HSBP1: variants seen among roughly 807,000 people sequenced by gnomAD.
HSBP1 encodes the protein heat shock factor binding protein 1.
In HSBP1, 5 loss-of-function variants were observed where a neutral mutation model predicts 9.6. That is an observed-to-expected ratio of 0.52 (90% CI 0.27 to 1.09). The LOEUF is 1.09. Ranked by LOEUF, HSBP1 falls within the 50% of genes least tolerant of loss-of-function variation. The pLI, the probability that HSBP1 is intolerant of heterozygous loss-of-function variation, is 0.11. For missense variants in HSBP1, 121 were observed against 96.3 expected, an observed-to-expected ratio of 1.26 and a Z score of -1.07; for synonymous variants, 42 against 33.3, an observed-to-expected ratio of 1.26 and a Z score of -0.90.
In HSBP1 at chr16:83,808,421, C is replaced by T. The variant is rs1185328579; in HGVS notation, c.46-259C>T. On this transcript the variant is annotated intron_variant, in intron 1 of 3. Transcript: ENST00000433866. ...ACCCTCCCCGCCCTTCAACTCCTCA[C>T]ACACCCCCGGGTGCCCCAGCCCGGC... 5.3e-6 allele frequency: 3 copies of T among 569,240 alleles called. No homozygotes were observed. In the East Asian group the frequency reaches 9.0e-5, roughly 17 times the overall value. The allele number at this position is 569,240 out of a possible 1,614,324, so 35.3% of individuals were successfully genotyped here. A position where few individuals can be genotyped will look rare whatever the true frequency, so the allele number is the denominator to read the frequency against.
rs376439023 is a variant in HSBP1 at position 83,818,371 on chromosome 16, C to T, written c.*6953C>T. On this transcript the variant is annotated 3_prime_UTR_variant, in exon 4 of 4. Transcript: ENST00000433866. Reference sequence around the variant, plus strand: ...GGCACAAAAACTCTGGAATCACTGACCCCAGACATTGTTCCCTGCCATCCA... The same window carrying T: ...GGCACAAAAACTCTGGAATCACTGATCCCAGACATTGTTCCCTGCCATCCA... The T allele has an allele frequency of 3.3e-5, 5 of 152,294 alleles. No individual in the cohort carries two copies. Among genetic ancestry groups the T allele is most frequent in the Middle Eastern group, 3.4e-3 (1 of 294 alleles). The allele number at this position is 152,294 out of a possible 1,614,324, so 9.4% of individuals were successfully genotyped here. A position where few individuals can be genotyped will look rare whatever the true frequency, so the allele number is the denominator to read the frequency against.
rs1406341686 is a variant in HSBP1 at position 83,814,653 on chromosome 16, A to T, written c.*3235A>T. ...CTCAAAATTTACTTTCAAAAGGCTG[A>T]TGGAGTGTTTTCAATTAAACATGAC... On this transcript the variant is annotated 3_prime_UTR_variant, in exon 4 of 4. Coordinates refer to ENST00000433866, the MANE Select transcript of HSBP1 (RefSeq NM_001537.4). The T allele has an allele frequency of 6.6e-6, 1 of 152,284 alleles. No homozygotes were observed. The highest frequency in any genetic ancestry group is 1.5e-5 in the Non-Finnish European group (1 of 68,054). The allele number at this position is 152,284 out of a possible 1,614,324, so 9.4% of individuals were successfully genotyped here. A position where few individuals can be genotyped will look rare whatever the true frequency, so the allele number is the denominator to read the frequency against.
intron 2 of HSBP1, 98 bp downstream of exon 2, chr16:83,808,844 C>G: frequency 3.5e-6 from 3 of 848,398 alleles, no homozygotes; most frequent in Non-Finnish European, 5.6e-6. Context: ...CTAGCTTCAG[C>G]CATTCACTTG....
At position 83,814,991 on chromosome 16, in the gene HSBP1, C is replaced by G. The variant is rs1904686441; in HGVS notation, c.*3573C>G. Reference sequence around the variant, plus strand: ...ACTCCGTGACCTATTAGCTTACCATCCTATTGGATTTCACTGTTTTTTGTT... The same window carrying G: ...ACTCCGTGACCTATTAGCTTACCATGCTATTGGATTTCACTGTTTTTTGTT... On this transcript the variant is annotated 3_prime_UTR_variant, in exon 4 of 4. Coordinates refer to ENST00000433866, the MANE Select transcript of HSBP1 (RefSeq NM_001537.4). The G allele has an allele frequency of 6.6e-6, 1 of 150,824 alleles. No individual in the cohort carries two copies. Among genetic ancestry groups the G allele is most frequent in the Non-Finnish European group, 1.5e-5 (1 of 67,702 alleles). 9.3% of individuals were successfully genotyped at this position (150,824 alleles called of 1,614,324 possible).
intron 1 of HSBP1, chr16:83,808,398 C>G: frequency 3.6e-6 from 2 of 557,300 alleles, no homozygotes; most frequent in Admixed American, 7.3e-5. Context: ...CCTCTGACAC[C>G]CTCCCCGCCC....
At chr16:83,811,378 C>A (rs1476432292) in intron 3 of HSBP1, 43 bp from the exon 4 acceptor site, 1 of 152,192 alleles carries the variant, frequency 6.6e-6, no homozygotes, top group Non-Finnish European at 1.5e-5. Context: ...TACTTGTGCT[C>A]ATATAATGAA....
intron 3 of HSBP1, among the ~76,000 whole-genome samples, chr16:83,810,521 CAAAAA>C (rs751338141): frequency 7.2e-4 from 37 of 51,608 alleles, no homozygotes; most frequent in Admixed American, 3.3e-3. Flanking sequence ...GACTCTGTCT[CAAAAA>C]AAAAAAAAAA....
At position 83,818,837 on chromosome 16, in the gene HSBP1, G is replaced by A. The variant is rs1340008118; in HGVS notation, c.*7419G>A. 2 of 151,976 alleles carry A rather than the reference G, an allele frequency of 1.3e-5. No individual in the cohort carries two copies. Among genetic ancestry groups the A allele is most frequent in the Admixed American group, 6.6e-5 (1 of 15,260 alleles). 9.4% of individuals were successfully genotyped at this position (151,976 alleles called of 1,614,324 possible). A position where few individuals can be genotyped will look rare whatever the true frequency, so the allele number is the denominator to read the frequency against. On this transcript the variant is annotated 3_prime_UTR_variant, in exon 4 of 4. Transcript: ENST00000433866. ...AACAGATTTTTTTCTTTTTTGCCTC[G>A]GATTTCAACAAAACATACATGGAAA...
Position 83,808,023 on chromosome 16 carries a change from A to G in HSBP1, c.-54A>G. 1.4e-5 allele frequency: 21 copies of G among 1,463,194 alleles called. No individual in the cohort carries two copies. The highest frequency in any genetic ancestry group is 1.6e-5 in the Non-Finnish European group (18 of 1,096,028). The allele number at this position is 1,463,194 out of a possible 1,614,324, so 90.6% of individuals were successfully genotyped here. On this transcript the variant is annotated 5_prime_UTR_variant, in exon 1 of 4. Coordinates refer to ENST00000433866, the MANE Select transcript of HSBP1 (RefSeq NM_001537.4). The stretch of plus-strand genomic sequence containing the variant: ...CGGCCCGGGGCGACTGAGCGGACAA[A>G]CGGAAGTGTAGGTTACGGTCTGAGA...
rs372493736 is a variant in HSBP1, at chr16:83,808,789, G to A, written c.112+43G>A. ...AGTCGGCCTCCTGTGGGCCTTTGGA[G>A]CCTATTTGCCGGGCAGTGGTGGGGA... is the stretch of plus-strand genomic sequence containing the variant. On this transcript the variant is annotated intron_variant, in intron 2 of 3. Coordinates refer to ENST00000433866, the MANE Select transcript of HSBP1 (RefSeq NM_001537.4). The A allele has an allele frequency of 3.4e-6, 5 of 1,464,952 alleles. No individual in the cohort carries two copies. In the East Asian group the frequency reaches 9.2e-5, roughly 27 times the overall value. The allele number at this position is 1,464,952 out of a possible 1,614,324, so 90.7% of individuals were successfully genotyped here. A position where few individuals can be genotyped will look rare whatever the true frequency, so the allele number is the denominator to read the frequency against.
chr16:83,808,152 C>A (rs1354776127), intron 1 of HSBP1, 31 bp downstream of exon 1: 1 of 1,535,654 alleles, frequency 6.5e-7, no homozygotes, highest in Non-Finnish European at 8.8e-7. Flanking sequence ...CCGGAGGCCG[C>A]GGCCTTCCCG....
At chr16:83,808,354 C>G (rs1334056385) in intron 1 of HSBP1, 3 of 550,892 alleles carry the variant, frequency 5.4e-6, no homozygotes, top group Admixed American at 7.5e-5. Flanking sequence ...CCCCATTCAT[C>G]TGTCGCGAAC....
intron 3 of HSBP1, 103 bp downstream of exon 3, chr16:83,809,528 G>C: frequency 1.6e-6 from 1 of 616,928 alleles, no homozygotes; most frequent in East Asian, 3.0e-5. Context: ...GAGTGCAATG[G>C]CACGATCTCG....
At chr16:83,811,121 T>C (rs933492131) in intron 3 of HSBP1, among the ~76,000 whole-genome samples, 1 of 152,222 alleles carries the variant, frequency 6.6e-6, no homozygotes, top group African/African-American at 2.4e-5. Context: ...TGGGTCTCTT[T>C]TTATATTATG....
rs775157658 is a variant in HSBP1, at chr16:83,812,576, A to G, written c.*1158A>G. 3.9e-5 allele frequency: 6 copies of G among 152,230 alleles called. No individual in the cohort carries two copies. Among genetic ancestry groups the G allele is most frequent in the Non-Finnish European group, 7.3e-5 (5 of 68,044 alleles). The allele number at this position is 152,230 out of a possible 1,614,324, so 9.4% of individuals were successfully genotyped here. On this transcript the variant is annotated 3_prime_UTR_variant, in exon 4 of 4. Coordinates refer to ENST00000433866, the MANE Select transcript of HSBP1 (RefSeq NM_001537.4). ...AAAACATGATTTTTTTAAGTTTCTC[A>G]TCTCACCAGTCTTGGTGTTTATATT... is the stretch of plus-strand genomic sequence containing the variant.
chr16:83,808,597 C>T (rs1904519150), intron 1 of HSBP1, 83 bp from the exon 2 acceptor site: 5 of 1,105,370 alleles, frequency 4.5e-6, no homozygotes, highest in African/African-American at 3.1e-5. Flanking sequence ...GCTGGAACCC[C>T]GGGACCAGGG....
chr16:83,817,181 C>G lies in HSBP1; in HGVS notation c.*5763C>G, dbSNP rs539241199. ...TGCATTCAAGAAGGCCTGTCTACTGCGAACCGTCCGATGATGTAATTCACC... is the reference window on the plus strand; with the variant it reads ...TGCATTCAAGAAGGCCTGTCTACTGGGAACCGTCCGATGATGTAATTCACC... On this transcript the variant is annotated 3_prime_UTR_variant, in exon 4 of 4. Transcript: ENST00000433866. 1 of 152,206 alleles carries G rather than the reference C, an allele frequency of 6.6e-6. No homozygotes were observed. The allele number at this position is 152,206 out of a possible 1,614,324, so 9.4% of individuals were successfully genotyped here. A position where few individuals can be genotyped will look rare whatever the true frequency, so the allele number is the denominator to read the frequency against.
chr16:83,818,140 C>G lies in HSBP1; in HGVS notation c.*6722C>G, dbSNP rs1904762456. On this transcript the variant is annotated 3_prime_UTR_variant, in exon 4 of 4. Coordinates refer to ENST00000433866, the MANE Select transcript of HSBP1 (RefSeq NM_001537.4). ...GCACTGGGTCTGTGAGCCCTCATCC[C>G]CAGGGCTCGGTTTCCTATCAGAATC... 3.3e-5 allele frequency: 5 copies of G among 152,282 alleles called. No homozygotes were observed. The South Asian group carries it at 1.0e-3, about 32-fold the overall frequency. The allele number at this position is 152,282 out of a possible 1,614,324, so 9.4% of individuals were successfully genotyped here.
intron 3 of HSBP1, among the ~76,000 whole-genome samples, chr16:83,809,794 T>C (rs1046913442): frequency 2.6e-5 from 4 of 152,068 alleles, no homozygotes; most frequent in Non-Finnish European, 5.9e-5. Flanking sequence ...CTTAAAAGAA[T>C]AGAGAGAACC....
Sources: allele counts gnomAD v4.1 joint callset (sites outside exome capture counted in the v4.1 genomes callset), GRCh38; gene constraint gnomAD v4.1.1; transcripts MANE v1.5; gene names NCBI Gene and HGNC (gene_info 2026-07-23, HGNC 2026-07-21).